TSPEAR: variants seen among roughly 807,000 people sequenced by gnomAD.
The protein encoded by TSPEAR is thrombospondin-type laminin G domain and EAR repeat-containing protein.
In TSPEAR, 69 loss-of-function variants were observed where a neutral mutation model predicts 71.6. That is an observed-to-expected ratio of 0.96 (90% confidence interval 0.79 to 1.18). The LOEUF (loss-of-function observed/expected upper bound fraction) is 1.18. Among genes scored for constraint, TSPEAR ranks in the 50% most tolerant of loss-of-function variants. The probability of loss-of-function intolerance (pLI) is 0.00; values close to 1 mark genes in which losing one functional copy is unlikely to be tolerated. For missense variants in TSPEAR, 971 were observed against 894.9 expected, an observed-to-expected ratio of 1.09 and a Z score of -1.09; for synonymous variants, 402 against 387.2, an observed-to-expected ratio of 1.04 and a Z score of -0.45.
chr21:44,600,870 C>G (rs368499836), intron 1 of TSPEAR: 35 of 1,610,950 alleles, frequency 2.2e-5, no homozygotes, highest in Non-Finnish European at 2.7e-5. Flanking sequence ...GCTGCACCAG[C>G]TCCTGCACGC....
chr21:44,592,582 A>T (rs1980059912), intron 1 of TSPEAR: 1 of 1,513,498 alleles, frequency 6.6e-7, no homozygotes, highest in East Asian at 2.3e-5. Context: ...CCGGGCCCAC[A>T]GCTTCCCCTT....
At chr21:44,535,896 C>CAAA (rs10712664) in intron 2 of TSPEAR, among the ~76,000 whole-genome samples, 45 of 136,900 alleles carry the variant, frequency 3.3e-4, no homozygotes, top group African/African-American at 1.2e-3. Context: ...CTATGTTTAT[C>CAAA]AAAAAAAAAA....
chr21:44,548,048 C>T lies in TSPEAR; in HGVS notation c.304-14125G>A, dbSNP rs28377840. On this transcript the variant is annotated intron_variant, in intron 2 of 11. Transcript: ENST00000323084. Reference sequence around the variant, plus strand: ...ATGCCCAATGTTTTCTGGCTGATACCTTTGGCCCCAGGTGGCATTGACTGT... The same window carrying T: ...ATGCCCAATGTTTTCTGGCTGATACTTTTGGCCCCAGGTGGCATTGACTGT... Among the ~76,000 whole-genome samples the T allele has an allele frequency of 3.3e-3, 502 of 152,320 alleles. 3 individuals are homozygous for T. The highest frequency in any genetic ancestry group is 0.011 in the African/African-American group (472 of 41,580).
rs1448332731 is a variant in TSPEAR at position 44,647,472 on chromosome 21, T to C, written c.82+63961A>G. ...GCTCCATCAGTAGCCACAGAGCTGC[T>C]GCCTGAAGGGGATTTTGAGCGCGTC... On this transcript the variant is annotated intron_variant, in intron 1 of 11. Transcript: ENST00000323084. The C allele has an allele frequency of 4.9e-6, 6 of 1,229,730 alleles. No homozygotes were observed. The Admixed American group carries it at 1.6e-4, about 33-fold the overall frequency. The allele number at this position is 1,229,730 out of a possible 1,614,324, so 76.2% of individuals were successfully genotyped here.
chr21:44,554,532 A>C (rs2053495360), intron 2 of TSPEAR, among the ~76,000 whole-genome samples: 1 of 152,266 alleles, frequency 6.6e-6, no homozygotes, highest in South Asian at 2.1e-4. Context: ...CTCAGTTATA[A>C]CTGCAAATGC....
At chr21:44,575,879 CCTCT>C (rs200704258) in intron 1 of TSPEAR, among the ~76,000 whole-genome samples, 1,634 of 152,266 alleles carry the variant, frequency 0.011, 23 homozygotes, top group Middle Eastern at 0.02. Flanking sequence ...GACCCTCCGG[CCTCT>C]CTAAGGTCAG....
chr21:44,535,063 C>T (rs892124004), intron 2 of TSPEAR, among the ~76,000 whole-genome samples: 4 of 151,808 alleles, frequency 2.6e-5, no homozygotes, highest in South Asian at 2.1e-4. Flanking sequence ...TGGTAGGTGC[C>T]GGGGCTGGGG....
intron 1 of TSPEAR, chr21:44,627,450 C>T (rs782440952): frequency 3.7e-6 from 6 of 1,613,692 alleles, no homozygotes; most frequent in South Asian, 2.2e-5. Flanking sequence ...GCACCTCCTC[C>T]CCCTGCCAGC....
At chr21:44,621,186 A>G (rs1447998618) in intron 1 of TSPEAR, among the ~76,000 whole-genome samples, 3 of 152,026 alleles carry the variant, frequency 2.0e-5, no homozygotes, top group African/African-American at 4.8e-5. Flanking sequence ...GATTTATGTC[A>G]TTTTTCAAGT....
chr21:44,688,458 C>A (rs1409044518), intron 1 of TSPEAR, among the ~76,000 whole-genome samples: 1 of 152,186 alleles, frequency 6.6e-6, no homozygotes, highest in South Asian at 2.1e-4. Context: ...CGGTGGCTCA[C>A]GCCTGTAATC....
intron 1 of TSPEAR, among the ~76,000 whole-genome samples, chr21:44,583,119 A>G (rs1555925362): frequency 6.6e-6 from 1 of 152,158 alleles, no homozygotes; most frequent in East Asian, 1.9e-4. Flanking sequence ...CAGGCATTAC[A>G]GATGTGAGCC....
chr21:44,686,069 C>G (rs1555948881), intron 1 of TSPEAR, among the ~76,000 whole-genome samples: 6 of 152,212 alleles, frequency 3.9e-5, no homozygotes, highest in Admixed American at 2.0e-4. Flanking sequence ...AAACGGGGCC[C>G]CTGGTGCAGT....
At chr21:44,551,431 A>G in intron 2 of TSPEAR, 1 of 1,612,836 alleles carries the variant, frequency 6.2e-7, no homozygotes, top group Non-Finnish European at 8.5e-7. Context: ...CAGGCGCTGG[A>G]GCAGATGGAC....
In TSPEAR at chr21:44,525,702, G is replaced by A; in HGVS notation, c.1287C>T (p.Ala429=). 6.2e-7 allele frequency: 1 copy of A among 1,614,190 alleles called. No individual in the cohort carries two copies. The highest frequency in any genetic ancestry group is 8.5e-7 in the Non-Finnish European group (1 of 1,180,030). ...GGAAGTGCTCCCCATCCACCTCGAA[G>A]GCCTCCCAGTCTCGGGCGCTGTGTG... ...IATHSARDWE[A]FEVDGEHFLA... Residue 429 remains alanine, a synonymous_variant, in exon 8 of 12, where the codon GCC becomes GCT. Transcript: ENST00000323084.
chr21:44,669,258 A>C (rs1985940038), intron 1 of TSPEAR, among the ~76,000 whole-genome samples: 1 of 152,156 alleles, frequency 6.6e-6, no homozygotes, highest in African/African-American at 2.4e-5. Flanking sequence ...CCCCGCCTCT[A>C]CTAAAAATAC....
chr21:44,678,077 C>A (rs1273393902), intron 1 of TSPEAR: 3 of 677,948 alleles, frequency 4.4e-6, no homozygotes, highest in Admixed American at 2.2e-5. Context: ...AACTGACAGG[C>A]CCGCAGTATC....
At chr21:44,558,286 G>T in intron 2 of TSPEAR, 1 of 1,614,142 alleles carries the variant, frequency 6.2e-7, no homozygotes, top group Non-Finnish European at 8.5e-7. Flanking sequence ...CAGCAAGCCG[G>T]CTGGCGGCTA....
intron 1 of TSPEAR, among the ~76,000 whole-genome samples, chr21:44,609,686 G>A (rs1439905179): frequency 2.0e-5 from 3 of 152,164 alleles, no homozygotes; most frequent in African/African-American, 4.8e-5. Flanking sequence ...GTTTGGGGAG[G>A]AGCAATTGTT....
At chr21:44,705,724 A>C (rs1260494903) in intron 1 of TSPEAR, among the ~76,000 whole-genome samples, 1 of 152,220 alleles carries the variant, frequency 6.6e-6, no homozygotes, top group Non-Finnish European at 1.5e-5. Flanking sequence ...TCTCCTGATA[A>C]GATGTTATCA....
Sources: gnomAD v4.1 joint callset for allele counts (sites outside exome capture counted in the v4.1 genomes callset) on GRCh38, gnomAD v4.1.1 for gene constraint, MANE v1.5 for transcripts, NCBI Gene and HGNC (gene_info 2026-07-23, HGNC 2026-07-21) for gene names.